AGBL1: variants seen among roughly 807,000 people sequenced by gnomAD.
The protein encoded by AGBL1 is AGBL carboxypeptidase 1.
AGBL1 carries 130 observed loss-of-function variants against 118.9 expected under a neutral mutation model. That is an observed-to-expected ratio of 1.09 (90% confidence interval 0.95 to 1.26). AGBL1 has a LOEUF of 1.26. Among genes scored for constraint, AGBL1 ranks in the 50% most tolerant of loss-of-function variants. The pLI, the probability that AGBL1 is intolerant of heterozygous loss-of-function variation, is 0.00. For synonymous variants in AGBL1, 555 were observed against 478.9 expected (o/e 1.16, Z -2.08); for missense variants, 1,584 against 1,298.1 (o/e 1.22, Z -3.38).
chr15:86,165,467 CT>C (rs1235122032), intron 5 of AGBL1, among the ~76,000 whole-genome samples: 3 of 152,148 alleles, frequency 2.0e-5, no homozygotes, highest in African/African-American at 7.2e-5. Flanking sequence ...ATCATAGTAA[CT>C]GATAGATGAG....
chr15:86,339,538 AT>A (rs934757459), intron 17 of AGBL1, among the ~76,000 whole-genome samples: 5 of 151,928 alleles, frequency 3.3e-5, no homozygotes, highest in African/African-American at 1.2e-4. Context: ...ATTTCAGTGA[AT>A]TTTTTTCTGT....
intron 18 of AGBL1, among the ~76,000 whole-genome samples, chr15:86,445,611 G>A (rs1280261418): frequency 6.6e-6 from 1 of 152,204 alleles, no homozygotes; most frequent in East Asian, 1.9e-4. Context: ...AGTGCAGCCT[G>A]CATTTCCTGC....
intron 22 of AGBL1, among the ~76,000 whole-genome samples, chr15:86,708,383 G>GA (rs2086491485): frequency 6.6e-6 from 1 of 152,086 alleles, no homozygotes; most frequent in African/African-American, 2.4e-5. Context: ...GACACAGTGA[G>GA]AAGGTGGCCA....
chr15:86,841,896 G>C (rs937390278), intron 22 of AGBL1, among the ~76,000 whole-genome samples: 8 of 152,038 alleles, frequency 5.3e-5, no homozygotes, highest in Non-Finnish European at 1.2e-4. Context: ...TTAAATACCA[G>C]CTCTACCACT....
chr15:86,498,377 T>C (rs573597430), intron 18 of AGBL1, among the ~76,000 whole-genome samples: 1 of 152,084 alleles, frequency 6.6e-6, no homozygotes, highest in East Asian at 1.9e-4. Context: ...GGTTGCACCA[T>C]ACATGCTTCT....
chr15:86,132,654 C>A (rs551342647), intron 1 of AGBL1, among the ~76,000 whole-genome samples: 1 of 152,196 alleles, frequency 6.6e-6, no homozygotes, highest in East Asian at 1.9e-4. Flanking sequence ...AACAGAGAAC[C>A]TTTTAGGCAT....
intron 18 of AGBL1, among the ~76,000 whole-genome samples, chr15:86,480,126 A>G (rs2082630816): frequency 6.6e-6 from 1 of 152,164 alleles, no homozygotes; most frequent in Non-Finnish European, 1.5e-5. Flanking sequence ...TAGGAAATAT[A>G]CCTAATGTAA....
intron 22 of AGBL1, among the ~76,000 whole-genome samples, chr15:86,737,290 A>T (rs992947883): frequency 6.6e-6 from 1 of 152,080 alleles, no homozygotes; most frequent in Non-Finnish European, 1.5e-5. Flanking sequence ...AGGTGAAAGG[A>T]TTTTGCTGAG....
intron 15 of AGBL1, among the ~76,000 whole-genome samples, chr15:86,276,180 CTG>C (rs1474206188): frequency 6.6e-6 from 1 of 152,096 alleles, no homozygotes; most frequent in East Asian, 1.9e-4. Flanking sequence ...TTATTTTAGA[CTG>C]TAAGTTCATA....
chr15:86,940,874 CTTCCTG>C (rs773209651), intron 23 of AGBL1, among the ~76,000 whole-genome samples: 11 of 152,182 alleles, frequency 7.2e-5, no homozygotes, highest in Non-Finnish European at 7.4e-5. Context: ...GGACCAATCA[CTTCCTG>C]TTCTTTGTTT....
chr15:86,855,305 A>G (rs1014467929), intron 22 of AGBL1, among the ~76,000 whole-genome samples: 1 of 152,228 alleles, frequency 6.6e-6, no homozygotes, highest in Non-Finnish European at 1.5e-5. Flanking sequence ...CTGATAAACA[A>G]AAAGCTCAAG....
At chr15:86,812,013 G>A (rs754455997) in intron 22 of AGBL1, among the ~76,000 whole-genome samples, 4 of 152,248 alleles carry the variant, frequency 2.6e-5, no homozygotes, top group South Asian at 2.1e-4. Flanking sequence ...ATATAAGAAC[G>A]CACTTTGTAA....
intron 22 of AGBL1, among the ~76,000 whole-genome samples, chr15:86,731,544 T>C (rs1368550723): frequency 6.6e-6 from 1 of 152,226 alleles, no homozygotes; most frequent in Non-Finnish European, 1.5e-5. Flanking sequence ...TTTGTTCTTC[T>C]GGGATTCTAT....
At chr15:86,845,301 T>G (rs942361806) in intron 22 of AGBL1, among the ~76,000 whole-genome samples, 12 of 152,116 alleles carry the variant, frequency 7.9e-5, no homozygotes, top group African/African-American at 2.9e-4. Context: ...TTAATTTTGT[T>G]AAATCCTTTT....
At chr15:86,803,641 G>C (rs1258608211) in intron 22 of AGBL1, among the ~76,000 whole-genome samples, 1 of 152,058 alleles carries the variant, frequency 6.6e-6, no homozygotes, top group Non-Finnish European at 1.5e-5. Flanking sequence ...TGGTGATTTG[G>C]AATCTCCTAA....
chr15:86,567,795 G>A (rs1435102355), intron 21 of AGBL1, among the ~76,000 whole-genome samples: 1 of 152,090 alleles, frequency 6.6e-6, no homozygotes, highest in East Asian at 1.9e-4. Flanking sequence ...TTGCAAGAAA[G>A]TCTGAACTCT....
At chr15:86,651,609 G>A (rs528409168) in intron 21 of AGBL1, among the ~76,000 whole-genome samples, 1 of 152,172 alleles carries the variant, frequency 6.6e-6, no homozygotes, top group Non-Finnish European at 1.5e-5. Flanking sequence ...GGCTCCTGGA[G>A]CATTGACGTT....
chr15:86,266,517 G>A, intron 12 of AGBL1, 60 bp downstream of exon 12: 1 of 1,187,786 alleles, frequency 8.4e-7, no homozygotes, highest in Admixed American at 2.4e-5. Flanking sequence ...AATGGCATGA[G>A]AATAGACATG....
intron 22 of AGBL1, among the ~76,000 whole-genome samples, chr15:86,677,109 G>A (rs2142557872): frequency 6.6e-6 from 1 of 152,258 alleles, no homozygotes; most frequent in Middle Eastern, 3.4e-3. Flanking sequence ...GATCAGCCAG[G>A]AAGACAAAGT....
Sources: allele counts gnomAD v4.1 joint callset (sites outside exome capture counted in the v4.1 genomes callset), GRCh38; gene constraint gnomAD v4.1.1; transcripts MANE v1.5; gene names NCBI Gene and HGNC (gene_info 2026-07-23, HGNC 2026-07-21).